Variants in APIP observed in about 807,000 individuals in gnomAD.
APIP encodes the protein methylthioribulose-1-phosphate dehydratase.
Under a neutral mutation model 32.0 loss-of-function variants are expected in APIP, and 32 were observed. The ratio of observed to expected loss-of-function variants is 1.00; its 90% CI spans 0.76 to 1.34. The LOEUF (loss-of-function observed/expected upper bound fraction) is 1.34, where lower values mean the gene tolerates loss of function less well. APIP is among the 40% of genes most tolerant of loss of function. APIP has a pLI of 0.00. For synonymous variants in APIP, 92 were observed against 94.8 expected (o/e 0.97, Z 0.17); for missense variants, 247 against 298.6 (o/e 0.83, Z 1.27).
At chr11:34,883,598 T>C (rs2303957) in intron 5 of APIP, 94 bp from the exon 6 acceptor site, 899,862 of 1,281,988 alleles carry the variant, frequency 0.7, 318,203 homozygotes, top group East Asian at 0.74. Context: ...CAGTTAGACA[T>C]GCTGTTTGTG....
intron 1 of APIP, among the ~76,000 whole-genome samples, chr11:34,912,661 G>C (rs957971404): frequency 6.6e-6 from 1 of 152,154 alleles, no homozygotes; most frequent in Non-Finnish European, 1.5e-5. Flanking sequence ...TGTGAAAAGG[G>C]AGACTGGCCT....
chr11:34,902,598 AT>A (rs1171072960), intron 1 of APIP, among the ~76,000 whole-genome samples: 3 of 152,076 alleles, frequency 2.0e-5, no homozygotes, highest in Non-Finnish European at 2.9e-5. Flanking sequence ...GCATTACAGG[AT>A]TTTGTAGACT....
intron 1 of APIP, among the ~76,000 whole-genome samples, chr11:34,906,524 T>A (rs1387781103): frequency 2.6e-5 from 4 of 152,202 alleles, no homozygotes; most frequent in African/African-American, 9.7e-5. Context: ...ACTTACTATT[T>A]CTATTATGAT....
At chr11:34,903,431 AG>A (rs1410844543) in intron 1 of APIP, among the ~76,000 whole-genome samples, 1 of 152,272 alleles carries the variant, frequency 6.6e-6, no homozygotes, top group Non-Finnish European at 1.5e-5. Flanking sequence ...AGCAAAGGAA[AG>A]AGAGCTAACA....
chr11:34,884,272 A>T (rs77152106), intron 5 of APIP, among the ~76,000 whole-genome samples: 3 of 25,802 alleles, frequency 1.2e-4, no homozygotes, highest in African/African-American at 2.1e-4. Context: ...CTAAAAACTT[A>T]AAAAAAAAAG....
At chr11:34,882,934 T>A (rs959109875) in intron 6 of APIP, 118 bp from the exon 7 acceptor site, 27 of 713,820 alleles carry the variant, frequency 3.8e-5, no homozygotes, top group Non-Finnish European at 5.6e-5. Flanking sequence ...ATGTATTTTC[T>A]CTCAATTCTA....
chr11:34,884,300 T>C (rs2956088), intron 5 of APIP, among the ~76,000 whole-genome samples: 1 of 152,168 alleles, frequency 6.6e-6, no homozygotes, highest in East Asian at 1.9e-4. Context: ...TAAAGTATTC[T>C]GCAATTGCTA....
chr11:34,906,274 G>T (rs1423915627), intron 1 of APIP, among the ~76,000 whole-genome samples: 1 of 152,100 alleles, frequency 6.6e-6, no homozygotes, highest in African/African-American at 2.4e-5. Flanking sequence ...ATTCTACCAA[G>T]ATGGCAGCAT....
intron 1 of APIP, among the ~76,000 whole-genome samples, chr11:34,905,876 T>C (rs1853443038): frequency 6.6e-6 from 1 of 152,114 alleles, no homozygotes; most frequent in African/African-American, 2.4e-5. Context: ...TACAGATCTG[T>C]GGGCAAACTG....
At chr11:34,913,687 G>C (rs191491943) in intron 1 of APIP, among the ~76,000 whole-genome samples, 2 of 152,198 alleles carry the variant, frequency 1.3e-5, no homozygotes, top group African/African-American at 2.4e-5. Context: ...GGTGACCGAG[G>C]GGGGTTGCCG....
chr11:34,888,931 C>A, intron 3 of APIP, 62 bp from the exon 4 acceptor site: 1 of 995,744 alleles, frequency 1.0e-6, no homozygotes, highest in South Asian at 2.1e-5. Context: ...TAGAAATGTT[C>A]CTTTTCTTGT....
intron 1 of APIP, chr11:34,896,792 G>A (rs1853280131): frequency 7.8e-7 from 1 of 1,287,596 alleles, no homozygotes; most frequent in African/African-American, 1.5e-5. Flanking sequence ...AAGCCAGAAT[G>A]TTCCTGAAGG....
chr11:34,886,743 T>C (rs1359401661), intron 5 of APIP, among the ~76,000 whole-genome samples: 3 of 152,204 alleles, frequency 2.0e-5, no homozygotes, highest in Non-Finnish European at 4.4e-5. Context: ...ATACCTACCA[T>C]TGTGTTGCAA....
intron 2 of APIP, among the ~76,000 whole-genome samples, chr11:34,894,722 T>G (rs1479300986): frequency 6.6e-6 from 1 of 152,198 alleles, no homozygotes; most frequent in Non-Finnish European, 1.5e-5. Context: ...CTCAGGTATA[T>G]GAACATACTT....
Position 34,882,558 on chromosome 11 carries a change from A to T in APIP, c.*159T>A. The T allele has an allele frequency of 2.1e-6, 1 of 474,324 alleles. No individual in the cohort carries two copies. Among genetic ancestry groups the T allele is most frequent in the Non-Finnish European group, 3.8e-6 (1 of 262,906 alleles). 29.4% of individuals were successfully genotyped at this position (474,324 alleles called of 1,614,324 possible). On this transcript the variant is annotated 3_prime_UTR_variant, in exon 7 of 7. Coordinates refer to ENST00000395787, the MANE Select transcript of APIP (RefSeq NM_015957.4). ...AAAATTATAAGAATATAAGCAAATAACATCCAATGTCAGAAGAGATTCAGG... is the reference window on the plus strand; with the variant it reads ...AAAATTATAAGAATATAAGCAAATATCATCCAATGTCAGAAGAGATTCAGG...
intron 1 of APIP, among the ~76,000 whole-genome samples, chr11:34,899,836 C>A (rs1290674343): frequency 6.6e-6 from 1 of 152,228 alleles, no homozygotes; most frequent in East Asian, 1.9e-4. Flanking sequence ...GACGCCCCCA[C>A]TGTTTTCTTC....
intron 1 of APIP, among the ~76,000 whole-genome samples, chr11:34,903,603 GCA>G: frequency 6.6e-6 from 1 of 152,212 alleles, no homozygotes; most frequent in Non-Finnish European, 1.5e-5. Context: ...TAGCAGTGAT[GCA>G]TTGCAAGGGA....
At chr11:34,900,266 A>C (rs1460292744) in intron 1 of APIP, among the ~76,000 whole-genome samples, 2 of 151,174 alleles carry the variant, frequency 1.3e-5, no homozygotes, top group African/African-American at 4.9e-5. Context: ...CCCAGAGCTA[A>C]AGTAGGTTCC....
rs78068244 is a variant in APIP, at chr11:34,888,382, G to A, written c.372C>T (p.Ala124=). 397 of 1,610,314 alleles carry A rather than the reference G, an allele frequency of 2.5e-4. 1 individual carries two copies. The African/African-American group carries it at 4.8e-3, about 19-fold the overall frequency. The part of the protein sequence containing the change: ...IHTHSKAAVM[A]TLLFPGREFK... ...ACTCCCGTCCTGGAAAGAGAAGTGTGGCCATCACAGCAGCTTTAGAGTGGG... is the reference window on the plus strand; with the variant it reads ...ACTCCCGTCCTGGAAAGAGAAGTGTAGCCATCACAGCAGCTTTAGAGTGGG... The change falls in exon 5 of 7, where the codon GCC becomes GCT. Residue 124 remains alanine, a synonymous_variant. Coordinates refer to ENST00000395787, the MANE Select transcript of APIP (RefSeq NM_015957.4).
Sources: allele counts gnomAD v4.1 joint callset (sites outside exome capture counted in the v4.1 genomes callset), GRCh38; gene constraint gnomAD v4.1.1; transcripts MANE v1.5; gene names NCBI Gene and HGNC (gene_info 2026-07-23, HGNC 2026-07-21).